The following DLGAP2 variants were observed in gnomAD, a reference collection of about 807,000 sequenced individuals.
DLGAP2 encodes DLG associated protein 2, also known as disks large-associated protein 2.
DLGAP2 carries 26 observed loss-of-function variants against 100.3 expected under a neutral mutation model. The ratio of observed to expected loss-of-function variants is 0.26; its 90% CI spans 0.19 to 0.36. The LOEUF is 0.36. Among genes scored for constraint, DLGAP2 ranks in the 10% least tolerant of loss-of-function variants. DLGAP2 has a pLI of 1.00. For synonymous variants in DLGAP2, 886 were observed against 630.1 expected (o/e 1.41, Z -6.08); for missense variants, 1,858 against 1,453.2 (o/e 1.28, Z -4.53).
chr8:1,154,437 T>C (rs1796745214), intron 2 of DLGAP2, among the ~76,000 whole-genome samples: 1 of 152,196 alleles, frequency 6.6e-6, no homozygotes, highest in Non-Finnish European at 1.5e-5. Context: ...GTAGTAGGTG[T>C]CACTCACTTC....
intron 1 of DLGAP2, among the ~76,000 whole-genome samples, chr8:757,701 T>A (rs1051737441): frequency 9.2e-5 from 14 of 152,196 alleles, no homozygotes; most frequent in African/African-American, 3.1e-4. Flanking sequence ...AATTAAAGAT[T>A]GTGTGTCTTT....
chr8:1,156,983 C>T (rs969728966), intron 2 of DLGAP2, among the ~76,000 whole-genome samples: 1 of 152,048 alleles, frequency 6.6e-6, no homozygotes. Flanking sequence ...TGTTACAGCT[C>T]CTCCCCCGAG....
chr8:1,062,045 G>GA (rs111836129), intron 2 of DLGAP2, among the ~76,000 whole-genome samples: 40,264 of 145,802 alleles, frequency 0.28, 5,941 homozygotes, highest in East Asian at 0.35. Context: ...ACATTTATCT[G>GA]AAAAAAAAAA....
intron 4 of DLGAP2, among the ~76,000 whole-genome samples, chr8:1,509,640 A>C (rs1800087518): frequency 6.6e-6 from 1 of 152,128 alleles, no homozygotes. Context: ...GCCTCCGCAC[A>C]TACACTGGAA....
At chr8:1,549,825 G>T in intron 5 of DLGAP2, 142 bp downstream of exon 5, 1 of 1,014,782 alleles carries the variant, frequency 9.9e-7, no homozygotes, top group Non-Finnish European at 1.4e-6. Context: ...TATGTTCTGG[G>T]ACAGCTCCAC....
intron 1 of DLGAP2, among the ~76,000 whole-genome samples, chr8:834,119 A>G (rs1472430507): frequency 1.3e-5 from 2 of 152,214 alleles, no homozygotes; most frequent in South Asian, 2.1e-4. Context: ...AGCGTTGCCT[A>G]GTACAGCAAG....
chr8:1,410,692 C>G (rs1357588159), intron 3 of DLGAP2, among the ~76,000 whole-genome samples: 1 of 152,204 alleles, frequency 6.6e-6, no homozygotes, highest in African/African-American at 2.4e-5. Context: ...TCAGGGACAC[C>G]CCATGGGCCT....
intron 3 of DLGAP2, among the ~76,000 whole-genome samples, chr8:1,344,151 T>C (rs1194403265): frequency 6.7e-6 from 1 of 149,062 alleles, no homozygotes; most frequent in South Asian, 2.1e-4. Flanking sequence ...CTCGGGGCCC[T>C]GTCGTGGGTC....
At chr8:1,023,857 A>G (rs200886870) in intron 2 of DLGAP2, among the ~76,000 whole-genome samples, 1,310 of 128,888 alleles carry the variant, frequency 0.01, 18 homozygotes, top group African/African-American at 0.028. Flanking sequence ...AACTTTATAT[A>G]TGTGTGTGTG....
intron 3 of DLGAP2, among the ~76,000 whole-genome samples, chr8:1,434,777 C>T (rs1255914165): frequency 6.6e-6 from 1 of 152,208 alleles, no homozygotes; most frequent in Non-Finnish European, 1.5e-5. Context: ...GCCCGGCCGT[C>T]ATTGGCATTT....
chr8:947,275 T>G (rs1205742792), intron 2 of DLGAP2, among the ~76,000 whole-genome samples: 1 of 152,174 alleles, frequency 6.6e-6, no homozygotes, highest in Non-Finnish European at 1.5e-5. Flanking sequence ...CTCTCGTTCC[T>G]GTCAGGGGCT....
intron 13 of DLGAP2, among the ~76,000 whole-genome samples, chr8:1,694,203 C>G (rs1383674068): frequency 6.6e-6 from 1 of 152,192 alleles, no homozygotes; most frequent in East Asian, 1.9e-4. Context: ...AACACTTTGA[C>G]ACGTTTGGGG....
At chr8:853,978 AGCTCCCT>A (rs1217915359) in intron 1 of DLGAP2, among the ~76,000 whole-genome samples, 1 of 152,000 alleles carries the variant, frequency 6.6e-6, no homozygotes, top group Non-Finnish European at 1.5e-5. Flanking sequence ...GACCTGAGAG[AGCTCCCT>A]GCACCTCCTA....
chr8:1,260,277 G>A (rs535987368), intron 3 of DLGAP2, among the ~76,000 whole-genome samples: 1 of 151,918 alleles, frequency 6.6e-6, no homozygotes, highest in African/African-American at 2.4e-5. Context: ...ATCATGCTTT[G>A]AGTTCATTTT....
At chr8:1,694,045 C>T (rs1158897547) in intron 13 of DLGAP2, among the ~76,000 whole-genome samples, 1 of 152,232 alleles carries the variant, frequency 6.6e-6, no homozygotes, top group Non-Finnish European at 1.5e-5. Flanking sequence ...ATATTCAGAC[C>T]TGCTAAATGT....
chr8:1,350,394 C>T (rs1384429750), intron 3 of DLGAP2, among the ~76,000 whole-genome samples: 1 of 91,132 alleles, frequency 1.1e-5, no homozygotes, highest in Admixed American at 1.2e-4. Context: ...GTGGAAAGGC[C>T]GCGCGGGTCC....
chr8:1,523,449 C>T (rs890890182), intron 4 of DLGAP2, among the ~76,000 whole-genome samples: 5 of 152,236 alleles, frequency 3.3e-5, no homozygotes, highest in African/African-American at 1.2e-4. Context: ...CCCACGCAGA[C>T]ACACGGAGCC....
intron 3 of DLGAP2, among the ~76,000 whole-genome samples, chr8:1,431,602 A>G (rs1196640779): frequency 6.6e-6 from 1 of 152,232 alleles, no homozygotes; most frequent in East Asian, 1.9e-4. Context: ...CCACCTGTAT[A>G]AAGAGTCAGC....
At chr8:1,095,964 C>T (rs1156339732) in intron 2 of DLGAP2, among the ~76,000 whole-genome samples, 2 of 152,124 alleles carry the variant, frequency 1.3e-5, no homozygotes, top group Non-Finnish European at 2.9e-5. Flanking sequence ...TTTTAGAGAA[C>T]TGAATATTTT....
Sources: gnomAD v4.1 joint callset for allele counts (sites outside exome capture counted in the v4.1 genomes callset) on GRCh38, gnomAD v4.1.1 for gene constraint, MANE v1.5 for transcripts, NCBI Gene and HGNC (gene_info 2026-07-23, HGNC 2026-07-21) for gene names.